Variants in RBFOX1 observed in about 807,000 individuals in gnomAD.
The protein encoded by RBFOX1 is RNA binding protein fox-1 homolog 1.
A neutral mutation model predicts 57.7 loss-of-function variants in RBFOX1; 8 were observed. The observed-to-expected ratio is 0.14, with a 90% CI of 0.08 to 0.25. The LOEUF (loss-of-function observed/expected upper bound fraction) is 0.25. RBFOX1 is among the 10% of genes least tolerant of loss of function. The probability of loss-of-function intolerance (pLI) is 1.00; values close to 1 mark genes in which losing one functional copy is unlikely to be tolerated. For synonymous variants in RBFOX1, 326 were observed against 222.4 expected (o/e 1.47, Z -4.15); for missense variants, 611 against 548.5 (o/e 1.11, Z -1.14).
At chr16:6,928,250 C>G (rs76221527) in intron 3 of RBFOX1, among the ~76,000 whole-genome samples, 1 of 152,134 alleles carries the variant, frequency 6.6e-6, no homozygotes, top group East Asian at 1.9e-4. Context: ...GTCTGAGGAT[C>G]CCTGGGCATC....
chr16:6,345,024 T>C (rs1220166679), intron 2 of RBFOX1, among the ~76,000 whole-genome samples: 1 of 152,072 alleles, frequency 6.6e-6, no homozygotes, highest in Admixed American at 6.6e-5. Flanking sequence ...GAACAATATA[T>C]GGCGGCTTTT....
intron 2 of RBFOX1, among the ~76,000 whole-genome samples, chr16:5,491,321 C>A (rs751853020): frequency 6.6e-6 from 1 of 152,148 alleles, no homozygotes; most frequent in Non-Finnish European, 1.5e-5. Flanking sequence ...CCCTCCCAAG[C>A]GCCACCTGAC....
chr16:7,028,609 C>CA lies in RBFOX1; in HGVS notation c.-15-23422dup, dbSNP rs869138217. Among the ~76,000 whole-genome samples the CA allele has an allele frequency of 1.1e-3, 51 of 45,406 alleles. 1 individual carries two copies. Among genetic ancestry groups the CA allele is most frequent in the Middle Eastern group, 0.014 (1 of 74 alleles). 29.8% of individuals were successfully genotyped at this position (45,406 alleles called of 152,430 possible). A position where few individuals can be genotyped will look rare whatever the true frequency, so the allele number is the denominator to read the frequency against. Reference sequence around the variant, plus strand: ...TCACACACACACACACACACACACACAAAAAAAAAAAAAAAAAAAAAAAAA... The same window carrying CA: ...TCACACACACACACACACACACACACAAAAAAAAAAAAAAAAAAAAAAAAAA... On this transcript the variant is annotated intron_variant, in intron 3 of 15. Coordinates refer to ENST00000550418, the MANE Select transcript of RBFOX1 (RefSeq NM_018723.4).
At chr16:7,142,094 G>C (rs1253505622) in intron 4 of RBFOX1, among the ~76,000 whole-genome samples, 3 of 151,982 alleles carry the variant, frequency 2.0e-5, no homozygotes, top group African/African-American at 7.3e-5. Flanking sequence ...TGTGATCATA[G>C]CTCAGTGCAG....
chr16:6,476,207 A>G (rs898541086), intron 2 of RBFOX1, among the ~76,000 whole-genome samples: 2 of 152,116 alleles, frequency 1.3e-5, no homozygotes, highest in Non-Finnish European at 2.9e-5. Context: ...AATAATAAGC[A>G]CCTATAATCT....
intron 3 of RBFOX1, among the ~76,000 whole-genome samples, chr16:6,818,669 G>C (rs1285771364): frequency 6.6e-6 from 1 of 152,030 alleles, no homozygotes; most frequent in Non-Finnish European, 1.5e-5. Flanking sequence ...CCCTTCTTCT[G>C]GTAAAGCCCC....
At chr16:6,948,213 C>T (rs1034265015) in intron 3 of RBFOX1, among the ~76,000 whole-genome samples, 16 of 152,050 alleles carry the variant, frequency 1.1e-4, no homozygotes, top group South Asian at 2.1e-4. Context: ...GAGAGGATGG[C>T]TTGAGCTGAG....
intron 4 of RBFOX1, among the ~76,000 whole-genome samples, chr16:7,466,903 A>G (rs558845552): frequency 6.6e-6 from 1 of 152,274 alleles, no homozygotes; most frequent in Admixed American, 6.5e-5. Context: ...GGTCTCTATG[A>G]ATTTGAGGAT....
At chr16:6,959,103 C>G (rs1457361459) in intron 3 of RBFOX1, among the ~76,000 whole-genome samples, 2 of 152,036 alleles carry the variant, frequency 1.3e-5, no homozygotes, top group Admixed American at 6.6e-5. Context: ...TTTCTTTTTT[C>G]TATCGGCTTT....
chr16:6,359,106 G>T (rs2087923055), intron 2 of RBFOX1, among the ~76,000 whole-genome samples: 1 of 147,956 alleles, frequency 6.8e-6, no homozygotes, highest in Admixed American at 6.8e-5. Context: ...TTGTTTGTTT[G>T]TTTTGAGACG....
At chr16:7,373,953 C>T (rs1198592203) in intron 4 of RBFOX1, among the ~76,000 whole-genome samples, 2 of 152,170 alleles carry the variant, frequency 1.3e-5, no homozygotes, top group Non-Finnish European at 2.9e-5. Flanking sequence ...GAAACTGTAT[C>T]ACTTTTGAAG....
At chr16:6,455,643 G>A (rs2094752405) in intron 2 of RBFOX1, among the ~76,000 whole-genome samples, 1 of 152,150 alleles carries the variant, frequency 6.6e-6, no homozygotes, top group African/African-American at 2.4e-5. Context: ...CATATAGACA[G>A]GTACCTCATA....
chr16:5,918,849 T>G (rs1261189056), intron 4 of RBFOX1, among the ~76,000 whole-genome samples: 2 of 152,188 alleles, frequency 1.3e-5, no homozygotes, highest in African/African-American at 4.8e-5. Context: ...GAAGCAACAC[T>G]TGACTTTTCC....
chr16:7,045,935 G>A (rs554514399), intron 3 of RBFOX1, among the ~76,000 whole-genome samples: 2 of 152,278 alleles, frequency 1.3e-5, no homozygotes, highest in East Asian at 1.9e-4. Context: ...TGGGATTACA[G>A]GTGTGAGCCA....
rs574863490 is a variant in RBFOX1, at chr16:7,263,478, C to T, written c.27+211380C>T. Among the ~76,000 whole-genome samples, 4 of 152,244 alleles carry T rather than the reference C, an allele frequency of 2.6e-5. No homozygotes were observed. The South Asian group carries it at 6.2e-4, about 24-fold the overall frequency. The stretch of plus-strand genomic sequence containing the variant: ...GGATCCCAGAAGAGACCAATTTAAA[C>T]CAGTGTCTCTGGATTTGGAGCCAGA... On this transcript the variant is annotated intron_variant, in intron 4 of 15. Coordinates refer to ENST00000550418, the MANE Select transcript of RBFOX1 (RefSeq NM_018723.4).
chr16:6,720,143 C>T (rs911709275), intron 3 of RBFOX1, among the ~76,000 whole-genome samples: 1 of 151,908 alleles, frequency 6.6e-6, no homozygotes, highest in Non-Finnish European at 1.5e-5. Context: ...TAGTAAAGTG[C>T]ATGCTTAGCA....
intron 3 of RBFOX1, among the ~76,000 whole-genome samples, chr16:6,676,738 C>T (rs1275042029): frequency 3.6e-5 from 5 of 137,170 alleles, no homozygotes; most frequent in African/African-American, 5.6e-5. Flanking sequence ...TGCCATGGTG[C>T]GATCAAGGGT....
chr16:6,065,515 C>G (rs1355455160), intron 1 of RBFOX1, among the ~76,000 whole-genome samples: 2 of 152,164 alleles, frequency 1.3e-5, no homozygotes, highest in Admixed American at 6.5e-5. Flanking sequence ...AGTCCTCTGT[C>G]TGTTTCATTC....
intron 3 of RBFOX1, among the ~76,000 whole-genome samples, chr16:5,725,871 G>A (rs2052133680): frequency 6.6e-6 from 1 of 151,886 alleles, no homozygotes; most frequent in Non-Finnish European, 1.5e-5. Flanking sequence ...GGAGGCTGCT[G>A]GGTTCAGCAG....
Sources: gnomAD v4.1 joint callset for allele counts (sites outside exome capture counted in the v4.1 genomes callset) on GRCh38, gnomAD v4.1.1 for gene constraint, MANE v1.5 for transcripts, NCBI Gene and HGNC (gene_info 2026-07-23, HGNC 2026-07-21) for gene names.